Variants in NALF1 observed in about 807,000 individuals in gnomAD.
The protein encoded by NALF1 is family with sequence similarity 155 member A.
NALF1 carries 3 observed loss-of-function variants against 48.4 expected under a neutral mutation model. The ratio of observed to expected loss-of-function variants is 0.06; its 90% confidence interval spans 0.03 to 0.16. The LOEUF is 0.16. Among genes scored for constraint, NALF1 ranks in the 10% least tolerant of loss-of-function variants. NALF1 has a pLI of 1.00. For synonymous variants in NALF1, 262 were observed against 245.7 expected, an observed-to-expected ratio of 1.07 and a Z score of -0.62; for missense variants, 526 against 571.5, an observed-to-expected ratio of 0.92 and a Z score of 0.81.
At chr13:107,393,183 G>C (rs574562114) in intron 1 of NALF1, among the ~76,000 whole-genome samples, 5 of 152,200 alleles carry the variant, frequency 3.3e-5, no homozygotes, top group African/African-American at 9.6e-5. Flanking sequence ...GGTTTGCTTT[G>C]ATATTTTTAG....
chr13:107,259,488 G>T (rs899493142), intron 1 of NALF1, among the ~76,000 whole-genome samples: 1 of 152,140 alleles, frequency 6.6e-6, no homozygotes, highest in Non-Finnish European at 1.5e-5. Flanking sequence ...CATGCCCACA[G>T]GACATTGAGA....
intron 1 of NALF1, among the ~76,000 whole-genome samples, chr13:107,856,979 G>C (rs1429173174): frequency 6.6e-6 from 1 of 152,184 alleles, no homozygotes; most frequent in Non-Finnish European, 1.5e-5. Context: ...CCTGCACACA[G>C]AGCCTCACTC....
intron 2 of NALF1, among the ~76,000 whole-genome samples, chr13:107,179,223 G>T (rs1462930211): frequency 6.6e-6 from 1 of 152,146 alleles, no homozygotes; most frequent in Non-Finnish European, 1.5e-5. Flanking sequence ...AATATAGATG[G>T]AAATGGAGGT....
chr13:107,713,375 A>G (rs993490749), intron 1 of NALF1, among the ~76,000 whole-genome samples: 1 of 152,190 alleles, frequency 6.6e-6, no homozygotes, highest in African/African-American at 2.4e-5. Flanking sequence ...TTTTTTACTG[A>G]ATATAATGAT....
intron 1 of NALF1, among the ~76,000 whole-genome samples, chr13:107,638,636 G>A (rs1006735926): frequency 5.9e-5 from 9 of 152,084 alleles, no homozygotes; most frequent in African/African-American, 2.2e-4. Context: ...ACTAATAACA[G>A]TACAAACAGC....
chr13:107,255,925 G>A (rs1230866719), intron 1 of NALF1, among the ~76,000 whole-genome samples: 1 of 151,888 alleles, frequency 6.6e-6, no homozygotes, highest in Non-Finnish European at 1.5e-5. Flanking sequence ...AACATAGGAA[G>A]GTATTATTAA....
intron 1 of NALF1, among the ~76,000 whole-genome samples, chr13:107,668,627 A>T (rs576360557): frequency 6.6e-5 from 10 of 152,020 alleles, no homozygotes; most frequent in African/African-American, 2.4e-4. Context: ...TAATGATGGC[A>T]TTCTCTCTTC....
At chr13:107,411,305 T>TAC (rs1491416401) in intron 1 of NALF1, among the ~76,000 whole-genome samples, 2 of 101,536 alleles carry the variant, frequency 2.0e-5, no homozygotes, top group Admixed American at 1.1e-4. Flanking sequence ...AATCTTGTTT[T>TAC]TTTTTTTTTT....
At chr13:107,179,555 G>T (rs544180465) in intron 2 of NALF1, among the ~76,000 whole-genome samples, 2 of 151,920 alleles carry the variant, frequency 1.3e-5, no homozygotes, top group African/African-American at 4.8e-5. Flanking sequence ...ATACTTGAGG[G>T]GGTGGGTACC....
Position 107,430,356 on chromosome 13 carries a change from T to G in NALF1, c.916-219601A>C, listed in dbSNP as rs572944537. Among the ~76,000 whole-genome samples the G allele has an allele frequency of 1.4e-4, 22 of 152,190 alleles. No homozygotes were observed. The South Asian group carries it at 4.6e-3, about 32-fold the overall frequency. ...GCACAACATGCAGGTTTGTTACATA[T>G]GTATACATGTGCCATGTTGGTGTGC... On this transcript the variant is annotated intron_variant, in intron 1 of 2. Coordinates refer to ENST00000375915, the MANE Select transcript of NALF1 (RefSeq NM_001080396.3).
chr13:107,563,676 T>G (rs539399994), intron 1 of NALF1, among the ~76,000 whole-genome samples: 1 of 152,334 alleles, frequency 6.6e-6, no homozygotes, highest in East Asian at 1.9e-4. Context: ...TTTGAAGACA[T>G]TGCAGCTAAA....
At chr13:107,219,451 G>A (rs1343528296) in intron 1 of NALF1, among the ~76,000 whole-genome samples, 1 of 152,038 alleles carries the variant, frequency 6.6e-6, no homozygotes, top group Non-Finnish European at 1.5e-5. Flanking sequence ...TTAAAAAGTG[G>A]GAAATCAGTC....
intron 1 of NALF1, among the ~76,000 whole-genome samples, chr13:107,483,329 A>G (rs1440210616): frequency 6.6e-6 from 1 of 152,148 alleles, no homozygotes; most frequent in African/African-American, 2.4e-5. Flanking sequence ...TGAAAACTAG[A>G]AGTATAATAA....
At chr13:107,588,119 C>CT (rs1427687739) in intron 1 of NALF1, among the ~76,000 whole-genome samples, 1 of 152,168 alleles carries the variant, frequency 6.6e-6, no homozygotes, top group African/African-American at 2.4e-5. Flanking sequence ...TCCTAAACAT[C>CT]TTTCTCTACT....
chr13:107,168,150 A>G lies in NALF1; in HGVS notation c.*2347T>C, dbSNP rs1398669957. ...GGAGTGGCCTTACCACAGCAGAGGT[A>G]GATAAAGGTCAGAACAGACTCCTTC... On this transcript the variant is annotated 3_prime_UTR_variant, in exon 3 of 3. Transcript: ENST00000375915. 5.9e-5 allele frequency: 9 copies of G among 152,432 alleles called. No individual in the cohort carries two copies. The highest frequency in any genetic ancestry group is 4.6e-4 in the Admixed American group (7 of 15,302). The allele number at this position is 152,432 out of a possible 1,614,324, so 9.4% of individuals were successfully genotyped here. A position where few individuals can be genotyped will look rare whatever the true frequency, so the allele number is the denominator to read the frequency against.
At chr13:107,475,263 T>C (rs772426209) in intron 1 of NALF1, among the ~76,000 whole-genome samples, 16 of 152,180 alleles carry the variant, frequency 1.1e-4, no homozygotes, top group Admixed American at 2.0e-4. Flanking sequence ...CATTTTGTGT[T>C]CATACAGCCA....
intron 1 of NALF1, among the ~76,000 whole-genome samples, chr13:107,239,893 T>A (rs1437841972): frequency 6.6e-6 from 1 of 152,196 alleles, no homozygotes; most frequent in Non-Finnish European, 1.5e-5. Flanking sequence ...GAAAGCCACC[T>A]GCTGGAGAGG....
intron 1 of NALF1, among the ~76,000 whole-genome samples, chr13:107,346,781 T>C (rs1226608017): frequency 6.6e-6 from 1 of 152,238 alleles, no homozygotes; most frequent in Non-Finnish European, 1.5e-5. Context: ...ATTTTAAAAA[T>C]CCTCATTTGA....
intron 1 of NALF1, among the ~76,000 whole-genome samples, chr13:107,310,648 T>C (rs1351135249): frequency 6.6e-6 from 1 of 152,002 alleles, no homozygotes; most frequent in South Asian, 2.1e-4. Flanking sequence ...TCAACCACTT[T>C]ATCATAAAAC....
Sources: gnomAD v4.1 joint callset for allele counts (sites outside exome capture counted in the v4.1 genomes callset) on GRCh38, gnomAD v4.1.1 for gene constraint, MANE v1.5 for transcripts, NCBI Gene and HGNC (gene_info 2026-07-23, HGNC 2026-07-21) for gene names.